Variants in GRHL3 observed in about 807,000 individuals in gnomAD.
The protein encoded by GRHL3 is grainyhead-like protein 3 homolog.
Under a neutral mutation model 70.3 loss-of-function variants are expected in GRHL3, and 20 were observed. The ratio of observed to expected loss-of-function variants is 0.28; its 90% CI spans 0.20 to 0.41. GRHL3 has a LOEUF of 0.41. Among genes scored for constraint, GRHL3 ranks in the 10% least tolerant of loss-of-function variants. GRHL3 has a pLI of 1.00. For synonymous variants in GRHL3, 299 were observed against 299.9 expected (o/e 1.00, Z 0.03); for missense variants, 637 against 762.3 (o/e 0.84, Z 1.94).
chr1:24,362,383 G>C (rs150600291), intron 15 of GRHL3, among the ~76,000 whole-genome samples: 113 of 152,346 alleles, frequency 7.4e-4, no homozygotes, highest in African/African-American at 2.7e-3. Flanking sequence ...CATGATGGCG[G>C]AGGGGACTGA....
intron 15 of GRHL3, among the ~76,000 whole-genome samples, chr1:24,351,326 C>T (rs962341417): frequency 7.2e-5 from 11 of 152,154 alleles, no homozygotes; most frequent in Non-Finnish European, 1.2e-4. Flanking sequence ...GCCTGCCTTC[C>T]TCCTCCTTGG....
chr1:24,325,063 G>A (rs1005625508), intron 1 of GRHL3, among the ~76,000 whole-genome samples: 1 of 144,502 alleles, frequency 6.9e-6, no homozygotes, highest in African/African-American at 2.7e-5. Flanking sequence ...GAGCAGTTGT[G>A]TCAGGGCCTC....
chr1:24,327,756 C>T (rs1326378070), intron 1 of GRHL3, among the ~76,000 whole-genome samples: 3 of 152,216 alleles, frequency 2.0e-5, no homozygotes, highest in African/African-American at 4.8e-5. Context: ...GTAGGACTCA[C>T]TCCTTCTTAG....
intron 14 of GRHL3, among the ~76,000 whole-genome samples, chr1:24,348,311 G>C (rs574442492): frequency 9.9e-5 from 15 of 152,270 alleles, no homozygotes; most frequent in Admixed American, 9.8e-4. Context: ...GGTACTATTC[G>C]TATCTCCTCA....
chr1:24,351,368 G>A (rs1183405370), intron 15 of GRHL3, among the ~76,000 whole-genome samples: 2 of 151,560 alleles, frequency 1.3e-5, no homozygotes, highest in African/African-American at 4.9e-5. Context: ...AAGGCTGAGG[G>A]TGGGGGAAGG....
downstream of GRHL3, chr1:24,357,525 C>A (rs1252772290): frequency 6.5e-6 from 1 of 153,406 alleles, no homozygotes; most frequent in East Asian, 1.9e-4. Flanking sequence ...TTTTTAAAGT[C>A]CCCAGGTGAT....
intron 1 of GRHL3, among the ~76,000 whole-genome samples, chr1:24,323,732 C>A (rs1639291502): frequency 6.6e-6 from 1 of 152,226 alleles, no homozygotes. Context: ...TGGAACTCAG[C>A]TTTCCTATCT....
intron 7 of GRHL3, among the ~76,000 whole-genome samples, chr1:24,339,196 A>T (rs777103927): frequency 4.6e-5 from 7 of 152,090 alleles, no homozygotes; most frequent in Admixed American, 2.0e-4. Flanking sequence ...TCCAGGGCAC[A>T]GGAATCCCTT....
rs373887032 is a variant in GRHL3, at chr1:24,350,018, G to A, written c.1630-40G>A. 5.8e-5 allele frequency: 86 copies of A among 1,487,962 alleles called. 1 individual carries two copies. The highest frequency in any genetic ancestry group is 2.3e-4 in the East Asian group (10 of 43,974). 92.2% of individuals were successfully genotyped at this position (1,487,962 alleles called of 1,614,324 possible). A position where few individuals can be genotyped will look rare whatever the true frequency, so the allele number is the denominator to read the frequency against. Reference sequence around the variant, plus strand: ...CATAAAAGACTTGTATAAATCTAGCGTGGGCAGCAGGCAATGAATCACCTG... The same window carrying A: ...CATAAAAGACTTGTATAAATCTAGCATGGGCAGCAGGCAATGAATCACCTG... On this transcript the variant is annotated intron_variant, in intron 14 of 15. Coordinates refer to ENST00000361548, the MANE Select transcript of GRHL3 (RefSeq NM_198173.3).
chr1:24,328,457 A>G (rs1639474286), intron 1 of GRHL3, among the ~76,000 whole-genome samples: 1 of 152,258 alleles, frequency 6.6e-6, no homozygotes, highest in Non-Finnish European at 1.5e-5. Flanking sequence ...TGGGATACCA[A>G]CAAGATAGAT....
intron 15 of GRHL3, among the ~76,000 whole-genome samples, chr1:24,363,407 T>C (rs1476145738): frequency 4.6e-5 from 7 of 152,178 alleles, no homozygotes; most frequent in Admixed American, 4.6e-4. Flanking sequence ...TTGAGTGTCC[T>C]TAAGGGCTTG....
rs919100478 is a variant in GRHL3 at position 24,355,136 on chromosome 1, A to G, written c.*648A>G. ...TATTTACGATTTTCATTTGTTATAT[A>G]TATATATAAATATACTGTATATATA... On this transcript the variant is annotated 3_prime_UTR_variant, in exon 16 of 16. Coordinates refer to ENST00000361548, the MANE Select transcript of GRHL3 (RefSeq NM_198173.3). 2 of 152,320 alleles carry G rather than the reference A, an allele frequency of 1.3e-5. No individual in the cohort carries two copies. The highest frequency in any genetic ancestry group is 2.9e-5 in the Non-Finnish European group (2 of 68,000). The allele number at this position is 152,320 out of a possible 1,614,324, so 9.4% of individuals were successfully genotyped here.
chr1:24,342,203 A>G lies in GRHL3; in HGVS notation c.1136A>G (p.Tyr379Cys), dbSNP rs200690546. 1 of 1,613,556 alleles carries G rather than the reference A, an allele frequency of 6.2e-7. No homozygotes were observed. Among genetic ancestry groups the G allele is most frequent in the East Asian group, 2.2e-5 (1 of 44,892 alleles). Residue 379 changes from tyrosine (Y) to cysteine (C), a missense_variant, in exon 9 of 16, where the codon TAT (tyrosine) becomes TGT (cysteine). Tyr to Cys is a radical substitution (Grantham distance 194, BLOSUM62 -2). Transcript: ENST00000361548. The surrounding 1 kb of genome is among the most constrained non-coding windows in gnomAD (Gnocchi z 4.8). ...CCCCTGAACCTGCAGATTGACACCT[A>G]TGACTGTGGCTTGGGCACTGAGCGC... Reference protein sequence around the residue: ...GVPLNLQIDTYDCGLGTERLV... With the variant: ...GVPLNLQIDTCDCGLGTERLV...
chr1:24,341,288 G>A (rs545388921), intron 8 of GRHL3, among the ~76,000 whole-genome samples: 1 of 152,216 alleles, frequency 6.6e-6, no homozygotes, highest in Non-Finnish European at 1.5e-5. Context: ...AACATATCAA[G>A]CCTACACACC....
chr1:24,322,342 A>G lies in GRHL3; in HGVS notation c.17+2774A>G, dbSNP rs545701539. On this transcript the variant is annotated intron_variant, in intron 1 of 15. Transcript: ENST00000361548. The surrounding 1 kb of genome is among the most constrained non-coding windows in gnomAD (Gnocchi z 4.4). ...TGACCGCGGCCGCCGCCGCCGTTCT[A>G]TCTGATCTCCAGGAGCGCCGGCTCC... 6.6e-6 allele frequency among the ~76,000 whole-genome samples: 1 copy of G among 152,222 alleles called. No homozygotes were observed. The highest frequency in any genetic ancestry group is 2.1e-4 in the South Asian group (1 of 4,828).
chr1:24,360,318 A>G (rs1481188980), downstream of GRHL3, among the ~76,000 whole-genome samples: 1 of 152,146 alleles, frequency 6.6e-6, no homozygotes, highest in African/African-American at 2.4e-5. Flanking sequence ...GTGTGGTGGC[A>G]TGTACCTGTA....
At chr1:24,320,543 C>T (rs2148641546) in intron 1 of GRHL3, among the ~76,000 whole-genome samples, 1 of 152,286 alleles carries the variant, frequency 6.6e-6, no homozygotes, top group Middle Eastern at 3.4e-3. Context: ...CTTTTCCTGC[C>T]ACCCTCAGAG....
In GRHL3 at chr1:24,336,731, T is replaced by C; in HGVS notation, c.516T>C (p.Asp172=). 6.2e-7 allele frequency: 1 copy of C among 1,614,136 alleles called. No individual in the cohort carries two copies. The highest frequency in any genetic ancestry group is 8.5e-7 in the Non-Finnish European group (1 of 1,180,024). Residue 172 remains aspartate, a synonymous_variant, in exon 4 of 16, where the codon GAT becomes GAC. Coordinates refer to ENST00000361548, the MANE Select transcript of GRHL3 (RefSeq NM_198173.3). ...TGTTACCCACCACTGATATGTATGATAATGGCTCCCTCAACTCCTTGTTTG... is the reference window on the plus strand; with the variant it reads ...TGTTACCCACCACTGATATGTATGACAATGGCTCCCTCAACTCCTTGTTTG... ...SYLLPTTDMY[D]NGSLNSLFES... is the part of the protein sequence containing the mutation.
At chr1:24,351,723 T>C (rs932625363) in intron 15 of GRHL3, among the ~76,000 whole-genome samples, 1 of 152,158 alleles carries the variant, frequency 6.6e-6, no homozygotes, top group Non-Finnish European at 1.5e-5. Flanking sequence ...CTGGCTGAGT[T>C]GCCAGAGGCT....
Sources: gnomAD v4.1 joint callset for allele counts (sites outside exome capture counted in the v4.1 genomes callset) on GRCh38, gnomAD v4.1.1 for gene constraint, Gnocchi (gnomAD v3.1) non-coding constraint, MANE v1.5 for transcripts, NCBI Gene and HGNC (gene_info 2026-07-23, HGNC 2026-07-21) for gene names.